Variants in AGBL1 observed in about 807,000 individuals in gnomAD.
AGBL1 encodes the protein cytosolic carboxypeptidase 4.
AGBL1 carries 130 observed loss-of-function variants against 118.9 expected under a neutral mutation model. The observed-to-expected ratio is 1.09, with a 90% CI of 0.95 to 1.26. The LOEUF (loss-of-function observed/expected upper bound fraction) is 1.26, where lower values mean the gene tolerates loss of function less well. Among genes scored for constraint, AGBL1 ranks in the 50% most tolerant of loss-of-function variants. AGBL1 has a pLI of 0.00. For synonymous variants in AGBL1, 555 were observed against 478.9 expected (o/e 1.16, Z -2.08); for missense variants, 1,584 against 1,298.1 (o/e 1.22, Z -3.38).
rs549136624 is a variant in AGBL1 at position 86,199,253 on chromosome 15, A to G, written c.489-25661A>G. The stretch of plus-strand genomic sequence containing the variant: ...GTATTATAATTCTTTCAACCACTTC[A>G]GTATGGGAGAATGTTGCGTGAAGTG... On this transcript the variant is annotated intron_variant, in intron 5 of 22. Coordinates refer to ENST00000614907, the MANE Select transcript of AGBL1 (RefSeq NM_001386094.1). Among the ~76,000 whole-genome samples the G allele has an allele frequency of 3.9e-5, 6 of 152,294 alleles. No individual in the cohort carries two copies. In the South Asian group the frequency reaches 1.2e-3, roughly 32 times the overall value.
chr15:86,927,674 A>G (rs1393020534), intron 23 of AGBL1, among the ~76,000 whole-genome samples: 3 of 152,228 alleles, frequency 2.0e-5, no homozygotes, highest in Non-Finnish European at 4.4e-5. Context: ...AAGTAGCAAT[A>G]ATATAATCCA....
intron 17 of AGBL1, among the ~76,000 whole-genome samples, chr15:86,346,415 C>T (rs1320532559): frequency 1.3e-5 from 2 of 151,614 alleles, no homozygotes; most frequent in African/African-American, 2.4e-5. Flanking sequence ...GGCGTGATCT[C>T]GGCTCACTGC....
At chr15:86,121,654 A>T (rs1898101470) in intron 1 of AGBL1, among the ~76,000 whole-genome samples, 1 of 152,216 alleles carries the variant, frequency 6.6e-6, no homozygotes, top group Admixed American at 6.5e-5. Context: ...ATCCTCATGG[A>T]TTCTAAGAGG....
chr15:86,639,900 T>C (rs1027314811), intron 21 of AGBL1, among the ~76,000 whole-genome samples: 14 of 152,194 alleles, frequency 9.2e-5, no homozygotes, highest in African/African-American at 3.1e-4. Context: ...GCAAACTCCT[T>C]GAAAGCTTGT....
At chr15:86,694,407 G>T (rs757303404) in intron 22 of AGBL1, among the ~76,000 whole-genome samples, 5 of 152,006 alleles carry the variant, frequency 3.3e-5, no homozygotes, top group Non-Finnish European at 7.4e-5. Flanking sequence ...GGTCCTTGTT[G>T]GTGTATAGCA....
intron 24 of AGBL1, among the ~76,000 whole-genome samples, chr15:86,989,897 A>G (rs1338973308): frequency 6.6e-6 from 1 of 152,200 alleles, no homozygotes; most frequent in East Asian, 1.9e-4. Flanking sequence ...TGTGGCAGAA[A>G]GAAGTTGGTC....
At chr15:86,297,356 G>A (rs2079662345) in intron 17 of AGBL1, among the ~76,000 whole-genome samples, 2 of 152,206 alleles carry the variant, frequency 1.3e-5, no homozygotes, top group African/African-American at 4.8e-5. Flanking sequence ...GAAAGGGCTA[G>A]TTAGGGCCAT....
intron 22 of AGBL1, among the ~76,000 whole-genome samples, chr15:86,731,213 G>A (rs1444496316): frequency 2.0e-5 from 3 of 152,068 alleles, no homozygotes; most frequent in Admixed American, 2.0e-4. Context: ...TAGCCTTTCT[G>A]GAATGATAGT....
chr15:86,911,506 C>T lies in AGBL1; in HGVS notation c.*4212C>T, dbSNP rs968343571. 6.6e-6 allele frequency: 1 copy of T among 152,204 alleles called. No individual in the cohort carries two copies. Among genetic ancestry groups the T allele is most frequent in the Non-Finnish European group, 1.5e-5 (1 of 68,070 alleles). 9.4% of individuals were successfully genotyped at this position (152,204 alleles called of 1,614,324 possible). A position where few individuals can be genotyped will look rare whatever the true frequency, so the allele number is the denominator to read the frequency against. ...GATCCCTTTATAGCCTGGCCCCAAT[C>T]TCCTTGACAGCCTCAGGTTCTGACA... is the stretch of plus-strand genomic sequence containing the variant. On this transcript the variant is annotated 3_prime_UTR_variant, in exon 23 of 23. Transcript: ENST00000614907.
At chr15:86,097,535 C>CT (rs529913129) in intron 1 of AGBL1, among the ~76,000 whole-genome samples, 14,955 of 139,178 alleles carry the variant, frequency 0.11, 1,754 homozygotes, top group African/African-American at 0.3. Flanking sequence ...ATGAGATCCA[C>CT]TTTTTTTTTT....
intron 1 of AGBL1, among the ~76,000 whole-genome samples, chr15:86,110,928 A>G (rs1284464506): frequency 3.9e-5 from 6 of 152,160 alleles, no homozygotes; most frequent in East Asian, 1.9e-4. Context: ...AGTTTTCCCA[A>G]TACAGCCAAG....
At chr15:86,129,815 TTC>T (rs2076795999) in intron 1 of AGBL1, among the ~76,000 whole-genome samples, 1 of 152,160 alleles carries the variant, frequency 6.6e-6, no homozygotes, top group South Asian at 2.1e-4. Flanking sequence ...CGTTGATAGA[TTC>T]TTTTGAGAAG....
chr15:86,455,302 A>G (rs558345730), intron 18 of AGBL1, among the ~76,000 whole-genome samples: 1 of 152,300 alleles, frequency 6.6e-6, no homozygotes, highest in South Asian at 2.1e-4. Context: ...CAATGAATGT[A>G]TCACCATTTT....
intron 5 of AGBL1, among the ~76,000 whole-genome samples, chr15:86,167,216 C>T (rs1304852056): frequency 6.6e-6 from 1 of 151,240 alleles, no homozygotes; most frequent in Non-Finnish European, 1.5e-5. Flanking sequence ...TCACCTTTTA[C>T]TTTGAGGGAA....
chr15:86,541,593 CAAAAAAAAAA>C (rs34178328), intron 19 of AGBL1, among the ~76,000 whole-genome samples: 4 of 58,216 alleles, frequency 6.9e-5, no homozygotes, highest in Non-Finnish European at 1.2e-4. Flanking sequence ...GACTATGTCT[CAAAAAAAAAA>C]AAAAAAAAAA....
chr15:86,746,310 A>G (rs1481017925), intron 22 of AGBL1, among the ~76,000 whole-genome samples: 2 of 152,152 alleles, frequency 1.3e-5, no homozygotes, highest in East Asian at 1.9e-4. Flanking sequence ...TTCTTCAAAC[A>G]TGACATATGT....
chr15:86,534,187 C>T (rs1211534371), intron 19 of AGBL1, among the ~76,000 whole-genome samples: 2 of 148,866 alleles, frequency 1.3e-5, no homozygotes, highest in Non-Finnish European at 3.0e-5. Context: ...AAAGTAGAGT[C>T]AGGTCTACAA....
At chr15:86,185,762 G>A (rs543991569) in intron 5 of AGBL1, among the ~76,000 whole-genome samples, 1 of 151,834 alleles carries the variant, frequency 6.6e-6, no homozygotes, top group South Asian at 2.1e-4. Flanking sequence ...GTCGTGGGGT[G>A]GGGGGCTGGG....
intron 23 of AGBL1, among the ~76,000 whole-genome samples, chr15:86,959,199 T>A (rs1006461185): frequency 1.6e-4 from 24 of 152,126 alleles, no homozygotes; most frequent in African/African-American, 5.5e-4. Flanking sequence ...AACATAATAA[T>A]CTTATTGCTC....
Sources: allele counts gnomAD v4.1 joint callset (sites outside exome capture counted in the v4.1 genomes callset), GRCh38; gene constraint gnomAD v4.1.1; transcripts MANE v1.5; gene names NCBI Gene and HGNC (gene_info 2026-07-23, HGNC 2026-07-21).